SPTB: variants seen among roughly 807,000 people sequenced by gnomAD.
SPTB encodes spectrin beta, erythrocytic, also known as spectrin beta chain, erythrocytic.
A neutral mutation model predicts 256.2 loss-of-function variants in SPTB; 45 were observed. The ratio of observed to expected loss-of-function variants is 0.18; its 90% CI spans 0.14 to 0.23. SPTB has a LOEUF of 0.23. Ranked by LOEUF, SPTB falls within the 10% of genes least tolerant of loss-of-function variation. The pLI is 1.00. For synonymous variants in SPTB, 1,231 were observed against 1,243.1 expected (o/e 0.99, Z 0.21); for missense variants, 2,715 against 3,040.4 (o/e 0.89, Z 2.52).
At chr14:64,831,542 A>AT (rs1277784263) in intron 1 of SPTB, among the ~76,000 whole-genome samples, 3 of 152,264 alleles carry the variant, frequency 2.0e-5, no homozygotes, top group African/African-American at 7.2e-5. Flanking sequence ...GTCATGCTGA[A>AT]TATAGATGCT....
chr14:64,752,397 T>C, intron 33 of SPTB: 2 of 557,358 alleles, frequency 3.6e-6, no homozygotes, highest in South Asian at 1.7e-5. Flanking sequence ...AACTGACCCA[T>C]ACAAAGCTGG....
At chr14:64,875,700 T>C (rs1882789385) in intron 1 of SPTB, among the ~76,000 whole-genome samples, 1 of 152,216 alleles carries the variant, frequency 6.6e-6, no homozygotes. Context: ...ACTGAGTCAA[T>C]ACAAGCTGCT....
Position 64,772,716 on chromosome 14 carries a change from C to G in SPTB, c.5417G>C (p.Gly1806Ala), listed in dbSNP as rs753387708. The G allele has an allele frequency of 1.2e-6, 2 of 1,613,792 alleles. No individual in the cohort carries two copies. The highest frequency in any genetic ancestry group is 4.5e-5 in the East Asian group (2 of 44,884). Residue 1806 changes from glycine (G) to alanine (A), a missense_variant, in exon 26 of 36, where the codon GGT (glycine) becomes GCT (alanine). By Grantham distance (60) the Gly-to-Ala change is moderately conservative. This residue lies in a region of SPTB where 2,239 missense variants were observed against 2,384.4 expected (regional missense o/e 0.94). Coordinates refer to ENST00000644917, the MANE Select transcript of SPTB (RefSeq NM_001355436.2). This position sits in a 1 kb window ranked among gnomAD's most constrained non-coding sequence, Gnocchi z 5.4. ...SYDLHRYFYT[G>A]AEILGLIDEK... ...GTCGATGAGGCCCAGGATCTCGGCA[C>G]CCGTGTAGAAGTAGCGGTGCAGGTC...
chr14:64,773,932 T>C (rs1346055102), intron 24 of SPTB, among the ~76,000 whole-genome samples: 1 of 152,192 alleles, frequency 6.6e-6, no homozygotes, highest in Non-Finnish European at 1.5e-5. Context: ...GTGTGTGGTC[T>C]GTGGCCCAGT....
At chr14:64,805,193 G>T in intron 2 of SPTB, 103 bp from the exon 3 acceptor site, 2 of 1,332,910 alleles carry the variant, frequency 1.5e-6, no homozygotes, top group Non-Finnish European at 2.1e-6. Context: ...CCCCATGCTT[G>T]GCAGAGGAAG....
Position 64,772,693 on chromosome 14 carries a change from C to A in SPTB, c.5440G>T (p.Asp1814Tyr). Reference sequence around the variant, plus strand: ...TCGGGCAGCTCGCGGTGCTTCTCGTCGATGAGGCCCAGGATCTCGGCACCC... The same window carrying A: ...TCGGGCAGCTCGCGGTGCTTCTCGTAGATGAGGCCCAGGATCTCGGCACCC... ...YTGAEILGLIDEKHRELPEDV... is the reference protein window; with the variant it reads ...YTGAEILGLIYEKHRELPEDV... The change falls in exon 26 of 36, where the codon GAC becomes TAC. Residue 1814 changes from aspartate (D) to tyrosine (Y), a missense_variant. Asp to Tyr is a radical substitution (Grantham distance 160). This residue lies in a region of SPTB where 2,239 missense variants were observed against 2,384.4 expected (regional missense o/e 0.94). Transcript: ENST00000644917. This position sits in a 1 kb window ranked among gnomAD's most constrained non-coding sequence, Gnocchi z 5.4. 6.2e-7 allele frequency: 1 copy of A among 1,613,780 alleles called. No individual in the cohort carries two copies. The highest frequency in any genetic ancestry group is 8.5e-7 in the Non-Finnish European group (1 of 1,179,948).
In SPTB at chr14:64,785,942, G is replaced by C. The variant is rs752671489; in HGVS notation, c.3571C>G (p.Leu1191Val). ...GAGTCTGGGGGCTCCAAGTGAGCCA[G>C]AGTGTATTCCTGTTGGAACAAGTTT... Reference protein sequence around the residue: ...EAILSNQEYTLAHLEPPDSLE... With the variant: ...EAILSNQEYTVAHLEPPDSLE... The change falls in exon 17 of 36, where the codon CTG becomes GTG. Residue 1191 changes from leucine (L) to valine (V), a missense_variant. Physicochemically the swap from Leu to Val is conservative, Grantham distance 32. Coordinates refer to ENST00000644917, the MANE Select transcript of SPTB (RefSeq NM_001355436.2). The surrounding 1 kb of genome is among the most constrained non-coding windows in gnomAD (Gnocchi z 4.4). 1.2e-6 allele frequency: 2 copies of C among 1,613,980 alleles called. No individual in the cohort carries two copies. The highest frequency in any genetic ancestry group is 2.7e-5 in the African/African-American group (2 of 74,914).
chr14:64,773,179 A>G lies in SPTB; in HGVS notation c.5178+41T>C, dbSNP rs773847147. On this transcript the variant is annotated intron_variant, in intron 25 of 35. Transcript: ENST00000644917. ...AGTGACGGCTGGCTGCGTCTACCGC[A>G]TTAGAGAAAGACAAAAACAGCAGGA... is the stretch of plus-strand genomic sequence containing the variant. 4 of 1,612,608 alleles carry G rather than the reference A, an allele frequency of 2.5e-6. No individual in the cohort carries two copies. In the African/African-American group the frequency reaches 5.3e-5, roughly 22 times the overall value.
chr14:64,826,032 G>A lies in SPTB; in HGVS notation c.-51-2887C>T, dbSNP rs184429533. ...TCAGGTCCCTGAAAACAAACACCAA[G>A]GAAAGATGATTCAGAAATGAAAGTG... On this transcript the variant is annotated intron_variant, in intron 1 of 35. Transcript: ENST00000644917. The surrounding 1 kb of genome is among the most constrained non-coding windows in gnomAD (Gnocchi z 4.4). Among the ~76,000 whole-genome samples, 20 of 152,338 alleles carry A rather than the reference G, an allele frequency of 1.3e-4. No homozygotes were observed. Among genetic ancestry groups the A allele is most frequent in the Middle Eastern group, 3.4e-3 (1 of 294 alleles).
chr14:64,760,478 T>C lies in SPTB; in HGVS notation c.6345+6248A>G, dbSNP rs1387044668. ...TCTGAAGATGCTCAGAGAACCCGGA[T>C]GCATTTACAAGCAAAGAACACAGGC... On this transcript the variant is annotated intron_variant, in intron 32 of 35. Transcript: ENST00000644917. The surrounding 1 kb of genome is among the most constrained non-coding windows in gnomAD (Gnocchi z 4.3). 6.6e-6 allele frequency among the ~76,000 whole-genome samples: 1 copy of C among 152,054 alleles called. No individual in the cohort carries two copies. Among genetic ancestry groups the C allele is most frequent in the Non-Finnish European group, 1.5e-5 (1 of 68,012 alleles).
At position 64,750,108 on chromosome 14, in the gene SPTB, A is replaced by T; in HGVS notation, c.6649T>A (p.Phe2217Ile). ...GCCAGGTTCTTGGCATCCTTGTAGA[A>T]GGTTAGCTCACTGTTCCTGAGCACA... is the stretch of plus-strand genomic sequence containing the variant. ...YCVLRNSELT[F>I]YKDAKNLALG... is the part of the protein sequence containing the mutation. Residue 2217 changes from phenylalanine to isoleucine, a missense_variant, in exon 34 of 36, where the codon TTC (phenylalanine) becomes ATC (isoleucine). Phe to Ile is a conservative substitution (Grantham distance 21, BLOSUM62 0). Around this residue, in one of 4 missense-constraint regions of SPTB, gnomAD observed 2,239 missense variants for 2,384.4 expected, o/e 0.94. Transcript: ENST00000644917. 1 of 1,614,194 alleles carries T rather than the reference A, an allele frequency of 6.2e-7. No homozygotes were observed. The highest frequency in any genetic ancestry group is 1.1e-5 in the South Asian group (1 of 91,086).
At chr14:64,770,780 T>C in intron 27 of SPTB, 105 bp downstream of exon 27, 2 of 1,553,442 alleles carry the variant, frequency 1.3e-6, no homozygotes, top group African/African-American at 1.4e-5. Flanking sequence ...GGAACGATAG[T>C]CCAGGACTGT....
intron 1 of SPTB, among the ~76,000 whole-genome samples, chr14:64,856,664 C>T (rs937195111): frequency 5.9e-5 from 9 of 152,364 alleles, no homozygotes; most frequent in Admixed American, 2.6e-4. Flanking sequence ...CATTCATTAA[C>T]GCCTCCCAGG....
At chr14:64,814,753 C>T (rs907479853) in intron 2 of SPTB, among the ~76,000 whole-genome samples, 1 of 152,074 alleles carries the variant, frequency 6.6e-6, no homozygotes, top group Non-Finnish European at 1.5e-5. Context: ...CTGGCCTCCC[C>T]GCTCAGCCTC....
chr14:64,767,503 T>C (rs1688795265), intron 30 of SPTB, 151 bp from the exon 31 acceptor site: 1 of 1,391,592 alleles, frequency 7.2e-7, no homozygotes, highest in Non-Finnish European at 1.0e-6. Context: ...CATTCGGAGG[T>C]CAGTACTTCC....
chr14:64,784,695 A>G (rs1442368285), intron 18 of SPTB, among the ~76,000 whole-genome samples: 1 of 152,242 alleles, frequency 6.6e-6, no homozygotes, highest in Non-Finnish European at 1.5e-5. Flanking sequence ...AGCATATTCT[A>G]GGAACCCAAC....
chr14:64,774,305 CATTTTCCTTTTAA>C, intron 24 of SPTB, 79 bp downstream of exon 24: 1 of 1,471,626 alleles, frequency 6.8e-7, no homozygotes, highest in Admixed American at 2.2e-5. Flanking sequence ...AAACTCTTTC[CATTTTCCTTTTAA>C]ATCTGAAGGG....
At chr14:64,770,852 G>A in intron 27 of SPTB, 33 bp downstream of exon 27, 2 of 1,613,676 alleles carry the variant, frequency 1.2e-6, no homozygotes, top group South Asian at 1.1e-5. Context: ...GCCTGGAGAG[G>A]AGCTGCCTCT....
rs1298366836 is a variant in SPTB, at chr14:64,823,597, G to C, written c.-51-452C>G. On this transcript the variant is annotated intron_variant, in intron 1 of 35. Transcript: ENST00000644917. This position sits in a 1 kb window ranked among gnomAD's most constrained non-coding sequence, Gnocchi z 6.5. ...GGGGACAGGCCAGGGGAAGGGAGAG[G>C]CTGGAAACAGGCTGAGTCTGACCCA... 6.6e-6 allele frequency among the ~76,000 whole-genome samples: 1 copy of C among 152,180 alleles called. No individual in the cohort carries two copies. Among genetic ancestry groups the C allele is most frequent in the Non-Finnish European group, 1.5e-5 (1 of 68,034 alleles).
Sources: allele counts gnomAD v4.1 joint callset (sites outside exome capture counted in the v4.1 genomes callset), GRCh38; gene constraint gnomAD v4.1.1; regional missense constraint gnomAD v4.1.1; non-coding constraint Gnocchi (gnomAD v3.1); transcripts MANE v1.5; gene names NCBI Gene and HGNC (gene_info 2026-07-23, HGNC 2026-07-21).